The following NUP153 variants were observed in gnomAD, a reference collection of about 807,000 sequenced individuals.
NUP153 encodes nucleoporin 153, also known as nuclear pore complex protein Nup153.
A neutral mutation model predicts 134.6 loss-of-function variants in NUP153; 27 were observed. The ratio of observed to expected loss-of-function variants is 0.20; its 90% CI spans 0.15 to 0.28. The LOEUF (loss-of-function observed/expected upper bound fraction) is 0.28, where lower values mean the gene tolerates loss of function less well. Ranked by LOEUF, NUP153 falls within the 10% of genes least tolerant of loss-of-function variation. The pLI is 1.00. For synonymous variants in NUP153, 640 were observed against 623.5 expected, an observed-to-expected ratio of 1.03 and a Z score of -0.40; for missense variants, 1,821 against 1,731.3, an observed-to-expected ratio of 1.05 and a Z score of -0.92.
intron 1 of NUP153, among the ~76,000 whole-genome samples, chr6:17,692,484 T>C (rs975111650): frequency 1.3e-5 from 2 of 152,056 alleles, no homozygotes; most frequent in African/African-American, 4.8e-5. Context: ...ACTGCGCTCC[T>C]GCCTGGGTGA....
At chr6:17,667,596 C>CT (rs1422594730) in intron 8 of NUP153, among the ~76,000 whole-genome samples, 1 of 152,142 alleles carries the variant, frequency 6.6e-6, no homozygotes, top group Non-Finnish European at 1.5e-5. Context: ...CGCCTGTAGT[C>CT]CCAGCTACCT....
chr6:17,647,512 T>C (rs1766261560), intron 13 of NUP153, among the ~76,000 whole-genome samples: 1 of 152,178 alleles, frequency 6.6e-6, no homozygotes, highest in South Asian at 2.1e-4. Flanking sequence ...GATAGCTGTA[T>C]TGTGGGGATG....
chr6:17,657,508 G>T (rs1461919821), intron 11 of NUP153, among the ~76,000 whole-genome samples: 2 of 152,070 alleles, frequency 1.3e-5, no homozygotes, highest in Admixed American at 1.3e-4. Context: ...AGGGTGCCAT[G>T]AGCCAAGATC....
At position 17,688,147 on chromosome 6, in the gene NUP153, A is replaced by G. The variant is rs116059938; in HGVS notation, c.334+249T>C. 9.5e-3 allele frequency among the ~76,000 whole-genome samples: 1,450 copies of G among 152,234 alleles called. 19 individuals carry two copies. The highest frequency in any genetic ancestry group is 0.011 in the Non-Finnish European group (726 of 68,008). Reference sequence around the variant, plus strand: ...AACAAAAAAAAGAAAGAAAAAAAGAAAAAGAAAAGAAAATTAAAACCCAAA... The same window carrying G: ...AACAAAAAAAAGAAAGAAAAAAAGAGAAAGAAAAGAAAATTAAAACCCAAA... On this transcript the variant is annotated intron_variant, in intron 2 of 21. Transcript: ENST00000262077.
rs1237956011 is a variant in NUP153 at position 17,671,503 on chromosome 6, C to T, written c.853-1957G>A. Among the ~76,000 whole-genome samples the T allele has an allele frequency of 2.6e-5, 4 of 152,226 alleles. No individual in the cohort carries two copies. In the East Asian group the frequency reaches 7.7e-4, roughly 29 times the overall value. On this transcript the variant is annotated intron_variant, in intron 5 of 21. Coordinates refer to ENST00000262077, the MANE Select transcript of NUP153 (RefSeq NM_005124.4). Reference sequence around the variant, plus strand: ...ACTGAAAAGATAAAAGTTATTCAGGCTACATATTCTTGACTAATACCAAAT... The same window carrying T: ...ACTGAAAAGATAAAAGTTATTCAGGTTACATATTCTTGACTAATACCAAAT...
chr6:17,655,617 C>T (rs1413151645), intron 11 of NUP153, among the ~76,000 whole-genome samples: 2 of 151,904 alleles, frequency 1.3e-5, no homozygotes, highest in Non-Finnish European at 2.9e-5. Flanking sequence ...TCACACCCGG[C>T]TAATTTTTGT....
In NUP153 at chr6:17,621,584, T is replaced by G. The variant is rs143003640; in HGVS notation, c.4174+2977A>C. 5.5e-4 allele frequency among the ~76,000 whole-genome samples: 84 copies of G among 152,310 alleles called. 1 individual carries two copies. Among genetic ancestry groups the G allele is most frequent in the African/African-American group, 1.8e-3 (76 of 41,582 alleles). Reference sequence around the variant, plus strand: ...TGGCACTGAAGGACATTATGTTAGGTGAAATAAGCCAGGCACAAAGACACA... The same window carrying G: ...TGGCACTGAAGGACATTATGTTAGGGGAAATAAGCCAGGCACAAAGACACA... On this transcript the variant is annotated intron_variant, in intron 20 of 21. Coordinates refer to ENST00000262077, the MANE Select transcript of NUP153 (RefSeq NM_005124.4).
rs180806199 is a variant in NUP153 at position 17,673,106 on chromosome 6, C to T, written c.852+1799G>A. The stretch of plus-strand genomic sequence containing the variant: ...ACTTCTGGCTGGGCGCGGTGGCTCA[C>T]GCCTGTAATCCCAGCACTTTGGGAG... On this transcript the variant is annotated intron_variant, in intron 5 of 21. Transcript: ENST00000262077. Among the ~76,000 whole-genome samples, 324 of 152,272 alleles carry T rather than the reference C, an allele frequency of 2.1e-3. 1 individual carries two copies. The highest frequency in any genetic ancestry group is 7.2e-3 in the African/African-American group (299 of 41,558).
chr6:17,705,623 G>T (rs1364970412), intron 1 of NUP153, among the ~76,000 whole-genome samples: 4 of 151,428 alleles, frequency 2.6e-5, no homozygotes, highest in Non-Finnish European at 5.9e-5. Context: ...GAGAAAAGAC[G>T]TAAGGGTGGA....
At chr6:17,654,744 G>C (rs185020419) in intron 11 of NUP153, among the ~76,000 whole-genome samples, 21 of 152,278 alleles carry the variant, frequency 1.4e-4, no homozygotes, top group African/African-American at 4.8e-4. Context: ...GATGCTTAGA[G>C]ACATCTCAAG....
intron 14 of NUP153, among the ~76,000 whole-genome samples, chr6:17,640,783 ATTTTTT>A (rs112052068): frequency 2.7e-5 from 4 of 146,534 alleles, no homozygotes; most frequent in African/African-American, 1.0e-4. Flanking sequence ...CATCTAGCTC[ATTTTTT>A]TTTTTACTTT....
intron 11 of NUP153, among the ~76,000 whole-genome samples, chr6:17,650,065 A>G (rs998762781): frequency 2.0e-5 from 3 of 152,230 alleles, no homozygotes; most frequent in Non-Finnish European, 2.9e-5. Context: ...AAGAACAAAC[A>G]AAATGAGTTC....
chr6:17,694,859 G>A (rs958559856), intron 1 of NUP153, among the ~76,000 whole-genome samples: 4 of 151,258 alleles, frequency 2.6e-5, no homozygotes, highest in African/African-American at 9.7e-5. Context: ...GGCACCTGTA[G>A]ACCCAGCTAC....
chr6:17,635,061 T>G (rs907037185), intron 16 of NUP153, among the ~76,000 whole-genome samples: 2 of 150,474 alleles, frequency 1.3e-5, no homozygotes, highest in Non-Finnish European at 3.0e-5. Flanking sequence ...TTCATAGCCA[T>G]CCTAAGCCAC....
rs761279822 is a variant in NUP153, at chr6:17,629,210, G to T, written c.2989C>A (p.Pro997Thr). ...SGLSNPVSLT[P>T]FQFGVSNLGQ... is the part of the protein sequence containing the mutation. ...AGATTAGATACCCCAAATTGAAATGGAGTTAAAGAAACTGGGTTGCTTAAA... is the reference window on the plus strand; with the variant it reads ...AGATTAGATACCCCAAATTGAAATGTAGTTAAAGAAACTGGGTTGCTTAAA... Residue 997 changes from proline to threonine, a missense_variant, in exon 18 of 22, where the codon CCA (proline) becomes ACA (threonine). Coordinates refer to ENST00000262077, the MANE Select transcript of NUP153 (RefSeq NM_005124.4). 1 of 1,613,424 alleles carries T rather than the reference G, an allele frequency of 6.2e-7. No homozygotes were observed. The highest frequency in any genetic ancestry group is 1.7e-5 in the Admixed American group (1 of 59,852).
intron 20 of NUP153, among the ~76,000 whole-genome samples, chr6:17,620,584 A>T (rs1301836380): frequency 6.6e-6 from 1 of 152,238 alleles, no homozygotes; most frequent in Admixed American, 6.5e-5. Flanking sequence ...GTCTAAGCCA[A>T]GCTTGTCCAA....
chr6:17,655,817 G>T (rs1015727161), intron 11 of NUP153, among the ~76,000 whole-genome samples: 1 of 152,124 alleles, frequency 6.6e-6, no homozygotes, highest in Non-Finnish European at 1.5e-5. Flanking sequence ...ACAATTTGTG[G>T]TCTCAACATA....
intron 2 of NUP153, among the ~76,000 whole-genome samples, chr6:17,685,624 T>C (rs577148314): frequency 6.6e-6 from 1 of 151,962 alleles, no homozygotes; most frequent in Admixed American, 6.6e-5. Context: ...CTGTATTCCC[T>C]AGTGACATCA....
At chr6:17,635,749 A>AT (rs959659909) in intron 16 of NUP153, among the ~76,000 whole-genome samples, 29 of 152,262 alleles carry the variant, frequency 1.9e-4, no homozygotes, top group African/African-American at 6.7e-4. Flanking sequence ...CGGTCTCCAA[A>AT]TTTTTTTGTT....
Sources: gnomAD v4.1 joint callset for allele counts (sites outside exome capture counted in the v4.1 genomes callset) on GRCh38, gnomAD v4.1.1 for gene constraint, MANE v1.5 for transcripts, NCBI Gene and HGNC (gene_info 2026-07-23, HGNC 2026-07-21) for gene names.